HIRA: variants seen among roughly 807,000 people sequenced by gnomAD.
HIRA encodes protein HIRA.
A neutral mutation model predicts 126.6 loss-of-function variants in HIRA; 13 were observed. The ratio of observed to expected loss-of-function variants is 0.10; its 90% confidence interval spans 0.07 to 0.16. The LOEUF (loss-of-function observed/expected upper bound fraction) is 0.16. HIRA is among the 10% of genes least tolerant of loss of function. HIRA has a pLI of 1.00. For missense variants in HIRA, 834 were observed against 1,314.4 expected (o/e 0.63, Z 5.65); for synonymous variants, 511 against 520.0 (o/e 0.98, Z 0.24).
chr22:19,405,581 C>A, intron 5 of HIRA: 2 of 842,836 alleles, frequency 2.4e-6, no homozygotes, highest in Non-Finnish European at 2.9e-6. Flanking sequence ...AGTGGGGAGA[C>A]TGAATGCAGC....
chr22:19,340,185 G>T (rs2088611165), intron 24 of HIRA, among the ~76,000 whole-genome samples: 1 of 152,092 alleles, frequency 6.6e-6, no homozygotes, highest in Admixed American at 6.5e-5. Flanking sequence ...GATCAAGTGG[G>T]TTTCATACCA....
chr22:19,405,631 A>G, intron 5 of HIRA, 155 bp downstream of exon 5: 1 of 597,518 alleles, frequency 1.7e-6, no homozygotes, highest in Non-Finnish European at 2.1e-6. Context: ...ACAGATCTTA[A>G]GGGACAGGCA....
At chr22:19,391,842 G>A (rs533457016) in intron 9 of HIRA, among the ~76,000 whole-genome samples, 3 of 152,276 alleles carry the variant, frequency 2.0e-5, no homozygotes, top group Admixed American at 2.0e-4. Context: ...GACCACTGAG[G>A]GTGCTGCCTG....
intron 24 of HIRA, among the ~76,000 whole-genome samples, chr22:19,348,522 G>A (rs1268535302): frequency 6.6e-6 from 1 of 151,388 alleles, no homozygotes; most frequent in Non-Finnish European, 1.5e-5. Flanking sequence ...TTGAGACAGA[G>A]TCTCACCCTG....
chr22:19,332,034 T>C (rs1163761610), intron 24 of HIRA, among the ~76,000 whole-genome samples: 2 of 152,240 alleles, frequency 1.3e-5, no homozygotes, highest in Admixed American at 6.5e-5. Flanking sequence ...CAGTATCCCC[T>C]GATGTGGAGG....
chr22:19,374,100 A>G (rs1027266412), intron 15 of HIRA, among the ~76,000 whole-genome samples: 1 of 152,006 alleles, frequency 6.6e-6, no homozygotes. Context: ...TAGGAGGCTG[A>G]GGCGGGTGGA....
chr22:19,353,890 A>G, intron 22 of HIRA, 106 bp downstream of exon 22: 1 of 1,376,190 alleles, frequency 7.3e-7, no homozygotes, highest in African/African-American at 1.4e-5. Flanking sequence ...GGCACAGGGG[A>G]AGGGCAGGTG....
chr22:19,380,324 A>G (rs2089061235), intron 13 of HIRA, among the ~76,000 whole-genome samples: 1 of 152,234 alleles, frequency 6.6e-6, no homozygotes, highest in Admixed American at 6.5e-5. Context: ...CTGGGACCCA[A>G]CATTGTTTCT....
chr22:19,369,045 C>G (rs1190670516), intron 15 of HIRA, among the ~76,000 whole-genome samples: 2 of 152,216 alleles, frequency 1.3e-5, no homozygotes, highest in African/African-American at 2.4e-5. Flanking sequence ...AATCGATCTA[C>G]AGCAGTTGCC....
chr22:19,391,988 C>G, intron 9 of HIRA, 113 bp downstream of exon 9: 1 of 523,608 alleles, frequency 1.9e-6, no homozygotes, highest in Non-Finnish European at 3.4e-6. Flanking sequence ...ACCCCAGGTG[C>G]AGAATAGAAA....
At chr22:19,387,488 C>G (rs2089137758) in intron 11 of HIRA, among the ~76,000 whole-genome samples, 1 of 152,198 alleles carries the variant, frequency 6.6e-6, no homozygotes, top group Non-Finnish European at 1.5e-5. Flanking sequence ...TAAAATAGTT[C>G]TACTCTTAAC....
chr22:19,388,260 C>A (rs545387600), intron 10 of HIRA, among the ~76,000 whole-genome samples: 2 of 152,296 alleles, frequency 1.3e-5, no homozygotes, highest in South Asian at 2.1e-4. Context: ...CCTGAAAAGG[C>A]ATTTTCCAGT....
Position 19,353,527 on chromosome 22 carries a change from G to T in HIRA, c.2685-8C>A. 6.3e-7 allele frequency: 1 copy of T among 1,592,984 alleles called. No homozygotes were observed. Among genetic ancestry groups the T allele is most frequent in the South Asian group, 1.1e-5 (1 of 88,434 alleles). On this transcript the variant is annotated splice_polypyrimidine_tract_variant and splice_region_variant and intron_variant, in intron 22 of 24. Transcript: ENST00000263208. ...GCAGCCTGCCTTCCCGAGCTGCAGA[G>T]ACCAGGAGAGTTTCCATGATGGGGC...
At chr22:19,374,533 G>C (rs1361447814) in intron 15 of HIRA, among the ~76,000 whole-genome samples, 4 of 152,150 alleles carry the variant, frequency 2.6e-5, no homozygotes, top group Non-Finnish European at 4.4e-5. Flanking sequence ...TATAGATACA[G>C]CATCAAACTT....
At chr22:19,401,749 T>C (rs1285012201) in intron 5 of HIRA, among the ~76,000 whole-genome samples, 1 of 152,106 alleles carries the variant, frequency 6.6e-6, no homozygotes, top group East Asian at 1.9e-4. Flanking sequence ...TTCTCACCAC[T>C]TCTGTGTTAT....
rs1042151778 is a variant in HIRA, at chr22:19,421,680, G to A, written c.37+9760C>T. 2.6e-5 allele frequency among the ~76,000 whole-genome samples: 4 copies of A among 152,064 alleles called. No homozygotes were observed. The East Asian group carries it at 7.7e-4, about 29-fold the overall frequency. On this transcript the variant is annotated intron_variant, in intron 1 of 24. Transcript: ENST00000263208. ...GTTCTCTCTTAACTCTTTTGTGTGT[G>A]TGTGTGTATGAGATGGAGTCTTGCT...
chr22:19,418,030 A>G (rs1483145201), intron 1 of HIRA, among the ~76,000 whole-genome samples: 1 of 152,240 alleles, frequency 6.6e-6, no homozygotes, highest in Non-Finnish European at 1.5e-5. Flanking sequence ...GCTATCTATG[A>G]ATAGTCAAAT....
At chr22:19,359,604 C>A in intron 17 of HIRA, 120 bp from the exon 18 acceptor site, 1 of 1,167,020 alleles carries the variant, frequency 8.6e-7, no homozygotes, top group Non-Finnish European at 1.1e-6. Flanking sequence ...GACTGGCTGG[C>A]CAAGAGAGGA....
intron 24 of HIRA, among the ~76,000 whole-genome samples, chr22:19,346,438 A>G (rs912267057): frequency 2.0e-5 from 3 of 152,260 alleles, no homozygotes; most frequent in Admixed American, 2.0e-4. Context: ...CAACATCTAG[A>G]TGAAAAGACA....
Sources: gnomAD v4.1 joint callset for allele counts (sites outside exome capture counted in the v4.1 genomes callset) on GRCh38, gnomAD v4.1.1 for gene constraint, MANE v1.5 for transcripts, NCBI Gene and HGNC (gene_info 2026-07-23, HGNC 2026-07-21) for gene names.